The following FARS2 variants were observed in gnomAD, a reference collection of about 807,000 sequenced individuals.
FARS2 encodes the protein phenylalanine--tRNA ligase, mitochondrial.
In FARS2, 40 loss-of-function variants were observed where a neutral mutation model predicts 46.4. The observed-to-expected ratio is 0.86, with a 90% CI of 0.67 to 1.12. The LOEUF (loss-of-function observed/expected upper bound fraction) is 1.12. FARS2 is among the 50% of genes most tolerant of loss of function. FARS2 has a pLI of 0.00. For missense variants in FARS2, 513 were observed against 567.9 expected (o/e 0.90, Z 0.98); for synonymous variants, 234 against 214.9 (o/e 1.09, Z -0.78).
chr6:5,390,011 C>T (rs530738271), intron 2 of FARS2, among the ~76,000 whole-genome samples: 3 of 152,050 alleles, frequency 2.0e-5, no homozygotes, highest in African/African-American at 2.4e-5. Context: ...ATTACAGGCA[C>T]GCGCCACCAC....
At chr6:5,537,101 G>A (rs1770252278) in intron 4 of FARS2, among the ~76,000 whole-genome samples, 1 of 152,086 alleles carries the variant, frequency 6.6e-6, no homozygotes, top group Non-Finnish European at 1.5e-5. Context: ...GGCTGCACTT[G>A]CCTTGATACA....
intron 2 of FARS2, among the ~76,000 whole-genome samples, chr6:5,376,560 G>A (rs984611571): frequency 2.0e-5 from 3 of 152,130 alleles, no homozygotes; most frequent in African/African-American, 7.2e-5. Context: ...ATCAAGAGGA[G>A]CAAGGATAGA....
chr6:5,511,143 A>G (rs773996406), intron 4 of FARS2, among the ~76,000 whole-genome samples: 1 of 152,252 alleles, frequency 6.6e-6, no homozygotes, highest in Non-Finnish European at 1.5e-5. Flanking sequence ...AAACCAGCAC[A>G]TGAATGGTAG....
intron 1 of FARS2, among the ~76,000 whole-genome samples, chr6:5,285,135 C>G (rs1207331221): frequency 3.3e-5 from 5 of 152,078 alleles, no homozygotes; most frequent in Non-Finnish European, 4.4e-5. Context: ...AGACTTGAAG[C>G]GAGAAAGAAA....
intron 3 of FARS2, among the ~76,000 whole-genome samples, chr6:5,409,007 C>T (rs746745615): frequency 3.9e-5 from 6 of 152,108 alleles, no homozygotes; most frequent in Admixed American, 6.5e-5. Context: ...CCTAGACTTT[C>T]CTTTGTGTTA....
intron 3 of FARS2, among the ~76,000 whole-genome samples, chr6:5,414,811 G>GT (rs35210878): frequency 0.17 from 14,689 of 86,646 alleles, 2,297 homozygotes; most frequent in East Asian, 0.47. Flanking sequence ...GTATATGACT[G>GT]TTTTTTTTTT....
intron 4 of FARS2, among the ~76,000 whole-genome samples, chr6:5,493,645 G>C (rs1376505042): frequency 6.6e-6 from 1 of 152,178 alleles, no homozygotes; most frequent in Non-Finnish European, 1.5e-5. Flanking sequence ...ATGGCTCTTA[G>C]ACTGTTTCCT....
chr6:5,611,003 G>A (rs1434659032), intron 5 of FARS2, among the ~76,000 whole-genome samples: 1 of 152,234 alleles, frequency 6.6e-6, no homozygotes, highest in African/African-American at 2.4e-5. Context: ...TCTGTAATGT[G>A]CTCCTCTAGG....
At chr6:5,264,149 A>G (rs894276026) in intron 1 of FARS2, among the ~76,000 whole-genome samples, 1 of 152,076 alleles carries the variant, frequency 6.6e-6, no homozygotes, top group African/African-American at 2.4e-5. Flanking sequence ...TGGGAGGCTG[A>G]GGTGGGAGGA....
intron 1 of FARS2, among the ~76,000 whole-genome samples, chr6:5,315,712 A>AT: frequency 2.4e-5 from 1 of 41,464 alleles, no homozygotes. Context: ...GCGTATATTG[A>AT]TTTCTCTTTC....
At chr6:5,593,965 C>T (rs1461663699) in intron 5 of FARS2, among the ~76,000 whole-genome samples, 1 of 152,144 alleles carries the variant, frequency 6.6e-6, no homozygotes, top group Middle Eastern at 3.2e-3. Flanking sequence ...AGTGTTTCCA[C>T]GTGGCAGGCA....
At chr6:5,378,174 A>T (rs931858878) in intron 2 of FARS2, among the ~76,000 whole-genome samples, 2 of 152,078 alleles carry the variant, frequency 1.3e-5, no homozygotes, top group Non-Finnish European at 2.9e-5. Flanking sequence ...AAACATAATC[A>T]TGCTCATTCG....
intron 4 of FARS2, among the ~76,000 whole-genome samples, chr6:5,461,961 A>G (rs1171701610): frequency 6.6e-6 from 1 of 152,178 alleles, no homozygotes; most frequent in Non-Finnish European, 1.5e-5. Context: ...GCTGGGTTGT[A>G]TGGTAAGCTT....
chr6:5,489,053 A>G (rs957964606), intron 4 of FARS2, among the ~76,000 whole-genome samples: 14 of 152,160 alleles, frequency 9.2e-5, no homozygotes, highest in African/African-American at 3.4e-4. Context: ...TGAGTAAATT[A>G]TATATCTAGT....
intron 1 of FARS2, among the ~76,000 whole-genome samples, chr6:5,317,780 C>CAA (rs767858271): frequency 7.2e-6 from 1 of 139,266 alleles, no homozygotes; most frequent in African/African-American, 2.6e-5. Context: ...GACCCTATCT[C>CAA]AAAAAAAAAA....
intron 5 of FARS2, among the ~76,000 whole-genome samples, chr6:5,610,465 A>T (rs781615986): frequency 2.0e-4 from 30 of 152,226 alleles, no homozygotes; most frequent in Admixed American, 3.9e-4. Flanking sequence ...ACAATAAAAC[A>T]TAATAAAAAT....
At chr6:5,532,203 T>A (rs2150458974) in intron 4 of FARS2, among the ~76,000 whole-genome samples, 1 of 152,312 alleles carries the variant, frequency 6.6e-6, no homozygotes, top group East Asian at 1.9e-4. Flanking sequence ...CAGTAGCACT[T>A]CCTGATGTTT....
chr6:5,728,596 G>A lies in FARS2; in HGVS notation c.1218-42695G>A, dbSNP rs530825140. Among the ~76,000 whole-genome samples the A allele has an allele frequency of 5.3e-5, 8 of 152,286 alleles. No individual in the cohort carries two copies. The South Asian group carries it at 6.2e-4, about 12-fold the overall frequency. On this transcript the variant is annotated intron_variant, in intron 6 of 6. Transcript: ENST00000274680. ...TGACAGGAAAAACACATTGTGCGCC[G>A]TGGATAGCTATAACTAGCAGCAAAT...
intron 6 of FARS2, among the ~76,000 whole-genome samples, chr6:5,661,233 A>T (rs899802002): frequency 2.1e-4 from 32 of 152,218 alleles, no homozygotes. Context: ...GTTGTTAAGG[A>T]CACAACTGGT....
Sources: gnomAD v4.1 joint callset for allele counts (sites outside exome capture counted in the v4.1 genomes callset) on GRCh38, gnomAD v4.1.1 for gene constraint, MANE v1.5 for transcripts, NCBI Gene and HGNC (gene_info 2026-07-23, HGNC 2026-07-21) for gene names.